PBRM1: variants seen among roughly 807,000 people sequenced by gnomAD.
PBRM1 encodes polybromo 1.
PBRM1 carries 27 observed loss-of-function variants against 194.5 expected under a neutral mutation model. That is an observed-to-expected ratio of 0.14 (90% confidence interval 0.10 to 0.19). PBRM1 has a LOEUF of 0.19. Ranked by LOEUF, PBRM1 falls within the 10% of genes least tolerant of loss-of-function variation. The pLI, the probability that PBRM1 is intolerant of heterozygous loss-of-function variation, is 1.00. For synonymous variants in PBRM1, 655 were observed against 693.2 expected (o/e 0.94, Z 0.87); for missense variants, 1,466 against 2,077.2 (o/e 0.71, Z 5.72).
chr3:52,600,866 T>C (rs1410291033), intron 17 of PBRM1, among the ~76,000 whole-genome samples: 1 of 152,222 alleles, frequency 6.6e-6, no homozygotes, highest in Non-Finnish European at 1.5e-5. Flanking sequence ...CTTGAACTCC[T>C]GACCTCATGA....
intron 15 of PBRM1, among the ~76,000 whole-genome samples, chr3:52,613,876 C>T (rs1284423240): frequency 6.6e-6 from 1 of 152,008 alleles, no homozygotes; most frequent in African/African-American, 2.4e-5. Flanking sequence ...AAATTAACAT[C>T]CCACATAAAA....
intron 2 of PBRM1, 147 bp downstream of exon 3, chr3:52,678,353 T>C (rs1282566387): frequency 3.5e-6 from 2 of 568,728 alleles, no homozygotes; most frequent in South Asian, 4.9e-5. Flanking sequence ...TCACTACAGC[T>C]TGATTACTAA....
intron 20 of PBRM1, among the ~76,000 whole-genome samples, chr3:52,580,781 T>A (rs901328247): frequency 6.6e-6 from 1 of 152,214 alleles, no homozygotes; most frequent in Non-Finnish European, 1.5e-5. Flanking sequence ...AAGATAATGA[T>A]AGTGTGGCCA....
At chr3:52,592,721 A>G (rs1191224228) in intron 17 of PBRM1, among the ~76,000 whole-genome samples, 1 of 152,198 alleles carries the variant, frequency 6.6e-6, no homozygotes, top group African/African-American at 2.4e-5. Context: ...GAACAGTTTC[A>G]GTAGAAATGG....
chr3:52,615,534 TA>T lies in PBRM1; in HGVS notation c.1819-79del, dbSNP rs2094907619. ...ATAAAATGCATCCATAAAGAAGTTTTAAAAAGACAGTTTATGATAGTTGGGA... is the reference window on the plus strand; with the variant it reads ...ATAAAATGCATCCATAAAGAAGTTTTAAAAGACAGTTTATGATAGTTGGGA... On this transcript the variant is annotated intron_variant, in intron 14 of 29. Coordinates refer to ENST00000296302, the Ensembl canonical transcript of PBRM1. 6 of 893,972 alleles carry T rather than the reference TA, an allele frequency of 6.7e-6. No homozygotes were observed. The Admixed American group carries it at 1.2e-4, about 17-fold the overall frequency. The allele number at this position is 893,972 out of a possible 1,614,324, so 55.4% of individuals were successfully genotyped here.
upstream of PBRM1, chr3:52,679,809 C>A: frequency 9.4e-7 from 1 of 1,060,936 alleles, no homozygotes; most frequent in South Asian, 1.7e-5. Flanking sequence ...TACCAAACTC[C>A]TGGCTCACTT....
At chr3:52,622,641 G>A (rs1027545680) in intron 13 of PBRM1, among the ~76,000 whole-genome samples, 3 of 152,070 alleles carry the variant, frequency 2.0e-5, no homozygotes, top group Non-Finnish European at 4.4e-5. Flanking sequence ...ACTATCCTCC[G>A]GAACCCAACC....
chr3:52,675,405 A>G (rs1252995939), intron 2 of PBRM1, among the ~76,000 whole-genome samples: 1 of 152,200 alleles, frequency 6.6e-6, no homozygotes, highest in Non-Finnish European at 1.5e-5. Flanking sequence ...AGACAAAGAT[A>G]CTACAAGAAA....
intron 11 of PBRM1, among the ~76,000 whole-genome samples, chr3:52,631,197 G>T (rs1032989628): frequency 2.6e-5 from 4 of 152,116 alleles, no homozygotes; most frequent in African/African-American, 7.2e-5. Flanking sequence ...AACGTCAGGC[G>T]TGGTGACTCA....
rs777742938 is a variant in PBRM1 at position 52,615,273 on chromosome 3, A to T, written c.1924+78T>A. On this transcript the variant is annotated intron_variant, in intron 15 of 29. Transcript: ENST00000296302. ...TGAGTTCAAATATATTCATAATTTAATTAAATATTATTTCAGAAAAATCAG... is the reference window on the plus strand; with the variant it reads ...TGAGTTCAAATATATTCATAATTTATTTAAATATTATTTCAGAAAAATCAG... 95 of 771,010 alleles carry T rather than the reference A, an allele frequency of 1.2e-4. 1 individual carries two copies. The highest frequency in any genetic ancestry group is 2.0e-4 in the Non-Finnish European group (91 of 446,458). The allele number at this position is 771,010 out of a possible 1,614,324, so 47.8% of individuals were successfully genotyped here. A position where few individuals can be genotyped will look rare whatever the true frequency, so the allele number is the denominator to read the frequency against.
At chr3:52,583,646 T>C (rs551891491) in intron 20 of PBRM1, among the ~76,000 whole-genome samples, 116 of 152,220 alleles carry the variant, frequency 7.6e-4, no homozygotes, top group Non-Finnish European at 1.4e-3. Flanking sequence ...TCTTTGTATA[T>C]TAGAAACAGT....
At chr3:52,616,478 C>T (rs530662825) in intron 14 of PBRM1, among the ~76,000 whole-genome samples, 4 of 152,136 alleles carry the variant, frequency 2.6e-5, no homozygotes, top group East Asian at 1.9e-4. Context: ...GGGATCACGA[C>T]GTCAGGAGAT....
Position 52,644,751 on chromosome 3 carries a change from CT to C in PBRM1, c.851del (p.Lys284ArgfsTer16). The C allele has an allele frequency of 1.0e-5, 16 of 1,556,624 alleles. No homozygotes were observed. The highest frequency in any genetic ancestry group is 1.4e-5 in the African/African-American group (1 of 73,564). ...CCATTTCATGATGTTCAATTTCAGC[CT>C]TTTTCATATAAAATATTTTTTTAAT... On this transcript the variant is annotated frameshift_variant, in exon 8 of 30. Coordinates refer to ENST00000296302, the Ensembl canonical transcript of PBRM1. LOFTEE classifies it high-confidence loss of function.
At chr3:52,553,009 G>A (rs868611519) in intron 27 of PBRM1, among the ~76,000 whole-genome samples, 25 of 152,260 alleles carry the variant, frequency 1.6e-4, no homozygotes, top group African/African-American at 5.5e-4. Flanking sequence ...TGTGGCTGGA[G>A]GCTCCAGGCC....
intron 2 of PBRM1, among the ~76,000 whole-genome samples, chr3:52,677,602 G>A (rs1241285889): frequency 2.0e-5 from 3 of 152,026 alleles, no homozygotes; most frequent in Admixed American, 6.5e-5. Flanking sequence ...TAGTAGAGAC[G>A]GGGTTTCACC....
Position 52,609,352 on chromosome 3 carries a change from T to C in PBRM1, c.2528A>G (p.His843Arg), listed in dbSNP as rs930364741. ...TGCTCGTTCCAATACTTCAAACATA[T>C]GCTCTTGAAATAAATCAAGCCGACG... The change falls in exon 16 of 30, where the codon CAT becomes CGT. Residue 843 changes from histidine to arginine, a missense_variant. Physicochemically the swap from His to Arg is conservative, Grantham distance 29. Around this residue, in one of 5 missense-constraint regions of PBRM1, gnomAD observed 687 missense variants for 946.2 expected, o/e 0.73. Coordinates refer to ENST00000296302, the Ensembl canonical transcript of PBRM1. The surrounding 1 kb of genome is among the most constrained non-coding windows in gnomAD (Gnocchi z 4.1). 14 of 1,613,884 alleles carry C rather than the reference T, an allele frequency of 8.7e-6. No homozygotes were observed. The highest frequency in any genetic ancestry group is 3.3e-4 in the Middle Eastern group (2 of 6,082).
chr3:52,560,948 T>C (rs996945683), intron 25 of PBRM1, among the ~76,000 whole-genome samples: 3 of 152,106 alleles, frequency 2.0e-5, no homozygotes, highest in East Asian at 1.9e-4. Flanking sequence ...TGGTTGACCA[T>C]TGTAGAGAGG....
At chr3:52,558,156 A>T (rs925212994) in intron 26 of PBRM1, 93 bp downstream of exon 28, 1 of 852,420 alleles carries the variant, frequency 1.2e-6, no homozygotes, top group African/African-American at 1.7e-5. Context: ...TCATGAGAAA[A>T]GGCAATAGAC....
chr3:52,559,338 C>T (rs932604380), intron 25 of PBRM1, among the ~76,000 whole-genome samples: 1 of 152,196 alleles, frequency 6.6e-6, no homozygotes, highest in Non-Finnish European at 1.5e-5. Context: ...CTCCAATGAT[C>T]ATGTTTCCAG....
Sources: allele counts gnomAD v4.1 joint callset (sites outside exome capture counted in the v4.1 genomes callset), GRCh38; gene constraint gnomAD v4.1.1; regional missense constraint gnomAD v4.1.1; non-coding constraint Gnocchi (gnomAD v3.1); transcripts MANE v1.5; gene names NCBI Gene and HGNC (gene_info 2026-07-23, HGNC 2026-07-21).